FXYD1: variants seen among roughly 807,000 people sequenced by gnomAD.
The protein encoded by FXYD1 is FXYD domain containing ion transport regulator 1.
A neutral mutation model predicts 17.2 loss-of-function variants in FXYD1; 9 were observed. The observed-to-expected ratio is 0.52, with a 90% CI of 0.32 to 0.91. The LOEUF (loss-of-function observed/expected upper bound fraction) is 0.91, where lower values mean the gene tolerates loss of function less well. FXYD1 is among the 40% of genes least tolerant of loss of function. The probability of loss-of-function intolerance (pLI) is 0.04; values close to 1 mark genes in which losing one functional copy is unlikely to be tolerated. For missense variants in FXYD1, 113 were observed against 120.6 expected (o/e 0.94, Z 0.29); for synonymous variants, 55 against 45.8 (o/e 1.20, Z -0.81).
chr19:35,139,261 C>CTGTGTGTGTGTGTGTGTGTGTG, intron 1 of FXYD1: 1 of 146,328 alleles, frequency 6.8e-6, no homozygotes, highest in Admixed American at 6.8e-5. Flanking sequence ...TCCGGCCCCA[C>CTGTGTGTGTGTGTGTGTGTGTG]TGTGTGTGTG....
chr19:35,141,635 C>CG, intron 5 of FXYD1, 63 bp downstream of exon 5: 2 of 1,346,570 alleles, frequency 1.5e-6, no homozygotes, highest in South Asian at 2.4e-5. Context: ...GCGGGTGAGG[C>CG]GGGGAGTACC....
chr19:35,141,524 C>T lies in FXYD1; in HGVS notation c.170-12C>T. The T allele has an allele frequency of 1.2e-6, 2 of 1,608,338 alleles. No individual in the cohort carries two copies. Among genetic ancestry groups the T allele is most frequent in the Non-Finnish European group, 1.7e-6 (2 of 1,177,236 alleles). Reference sequence around the variant, plus strand: ...GGGAGCCTCAGCTTCTCCTACCTCTCCACGCCCACAGGCAGAAGATGCCGG... The same window carrying T: ...GGGAGCCTCAGCTTCTCCTACCTCTTCACGCCCACAGGCAGAAGATGCCGG... On this transcript the variant is annotated splice_polypyrimidine_tract_variant and intron_variant, in intron 4 of 7. Transcript: ENST00000351325.
At chr19:35,142,280 C>T (rs2065263581) in intron 5 of FXYD1, 192 bp from the exon 6 acceptor site, 1 of 550,692 alleles carries the variant, frequency 1.8e-6, no homozygotes, top group Non-Finnish European at 3.2e-6. Flanking sequence ...TGTTAACCAG[C>T]TTAGAAGCCC....
chr19:35,139,911 C>T, intron 1 of FXYD1, 165 bp from the exon 2 acceptor site: 1 of 612,710 alleles, frequency 1.6e-6, no homozygotes, highest in Middle Eastern at 2.8e-4. Context: ...CACTGTGTCC[C>T]CACGAAGCTG....
At chr19:35,142,434 CT>C in intron 5 of FXYD1, 37 bp from the exon 6 acceptor site, 10 of 1,558,996 alleles carry the variant, frequency 6.4e-6, no homozygotes, top group Non-Finnish European at 7.9e-6. Flanking sequence ...GCCTCTCCCC[CT>C]TTCCATCCCG....
rs922772905 is a variant in FXYD1 at position 35,141,167 on chromosome 19, G to T, written c.130G>T (p.Ala44Ser). 11 of 1,610,716 alleles carry T rather than the reference G, an allele frequency of 6.8e-6. No individual in the cohort carries two copies. In the African/African-American group the frequency reaches 1.5e-4, roughly 22 times the overall value. Residue 44 changes from alanine to serine, a missense_variant, in exon 4 of 8, where the codon GCC (alanine) becomes TCC (serine). Ala to Ser is a moderately conservative substitution (Grantham distance 99). Coordinates refer to ENST00000351325, the MANE Select transcript of FXYD1 (RefSeq NM_021902.4). ...QSLQIGGLVI[A>S]GILFILGILI... is the part of the protein sequence containing the mutation. ...CCTGCAGATCGGAGGCCTCGTCATCGCCGGGATCCTCTTCATCCTGGGCAT... is the reference window on the plus strand; with the variant it reads ...CCTGCAGATCGGAGGCCTCGTCATCTCCGGGATCCTCTTCATCCTGGGCAT...
intron 5 of FXYD1, 54 bp downstream of exon 5, chr19:35,141,626 C>T: frequency 6.9e-7 from 1 of 1,453,598 alleles, no homozygotes; most frequent in Non-Finnish European, 9.6e-7. Flanking sequence ...GAGGGCGCCG[C>T]GGGTGAGGCG....
At chr19:35,141,468 G>C (rs774470301) in intron 4 of FXYD1, 68 bp from the exon 5 acceptor site, 13 of 1,334,304 alleles carry the variant, frequency 9.7e-6, no homozygotes, top group Non-Finnish European at 1.4e-5. Flanking sequence ...GGGCGAGCTG[G>C]AGCTACAGCG....
intron 7 of FXYD1, 51 bp from the exon 8 acceptor site, chr19:35,142,866 G>T: frequency 1.1e-6 from 1 of 919,696 alleles, no homozygotes. Context: ...AGGGCGGCGA[G>T]GGGTGGGGCT....
At chr19:35,137,236 T>C (rs572164817), upstream of FXYD1, among the ~76,000 whole-genome samples, 10 of 152,324 alleles carry the variant, frequency 6.6e-5, no homozygotes, top group African/African-American at 2.4e-4. Flanking sequence ...CCTGGGCCAT[T>C]CCAGGTTTCC....
At chr19:35,141,811 G>A (rs899536835) in intron 5 of FXYD1, among the ~76,000 whole-genome samples, 2 of 152,154 alleles carry the variant, frequency 1.3e-5, no homozygotes, top group Admixed American at 6.5e-5. Flanking sequence ...CAGCCCCACA[G>A]ATAGAAAAAT....
At chr19:35,138,072 T>G (rs1186113724), upstream of FXYD1, 2 of 152,148 alleles carry the variant, frequency 1.3e-5, no homozygotes, top group Non-Finnish European at 2.9e-5. Context: ...GATGTGGCTA[T>G]GTCTTTGACT....
chr19:35,142,959 C>T lies in FXYD1; in HGVS notation c.*72C>T. On this transcript the variant is annotated 3_prime_UTR_variant, in exon 8 of 8. Transcript: ENST00000351325. ...ACATCTCCCACGCTCCACCTGCGCGCCCACCGCCCCCTCCGCCGCCCCTTC... is the reference window on the plus strand; with the variant it reads ...ACATCTCCCACGCTCCACCTGCGCGTCCACCGCCCCCTCCGCCGCCCCTTC... The T allele has an allele frequency of 1.7e-6, 1 of 588,098 alleles. No homozygotes were observed. The highest frequency in any genetic ancestry group is 3.0e-6 in the Non-Finnish European group (1 of 330,840). 36.4% of individuals were successfully genotyped at this position (588,098 alleles called of 1,614,324 possible). A position where few individuals can be genotyped will look rare whatever the true frequency, so the allele number is the denominator to read the frequency against.
rs59264982 is a variant in FXYD1 at position 35,143,087 on chromosome 19, G to C, written c.*200G>C. ...CGGTCTCGGTCCCTCAGCGCGAAACGCCAGCGCCACTGGGCCCCAGCAGGG... is the reference window on the plus strand; with the variant it reads ...CGGTCTCGGTCCCTCAGCGCGAAACCCCAGCGCCACTGGGCCCCAGCAGGG... On this transcript the variant is annotated 3_prime_UTR_variant, in exon 8 of 8. Coordinates refer to ENST00000351325, the MANE Select transcript of FXYD1 (RefSeq NM_021902.4). The surrounding 1 kb of genome is among the most constrained non-coding windows in gnomAD (Gnocchi z 4.3). The C allele has an allele frequency of 1, 549,311 of 549,316 alleles. 274,653 individuals are homozygous for C. The highest frequency in any genetic ancestry group is 1 in the Middle Eastern group (2,098 of 2,098). The allele number at this position is 549,316 out of a possible 1,614,324, so 34.0% of individuals were successfully genotyped here.
chr19:35,141,193 C>A lies in FXYD1; in HGVS notation c.156C>A (p.Ile52=). ...CCGGGATCCTCTTCATCCTGGGCAT[C>A]CTCATCGTGCTGAGTGAGTGCCCCT... ...VIAGILFILG[I]LIVLSRRCRC... The change falls in exon 4 of 8, where the codon ATC becomes ATA. Residue 52 remains isoleucine, a synonymous_variant. Coordinates refer to ENST00000351325, the MANE Select transcript of FXYD1 (RefSeq NM_021902.4). 6.2e-7 allele frequency: 1 copy of A among 1,603,922 alleles called. No individual in the cohort carries two copies. The highest frequency in any genetic ancestry group is 8.5e-7 in the Non-Finnish European group (1 of 1,171,646).
At chr19:35,140,185 G>GT (rs2065238757) in intron 2 of FXYD1, 45 bp downstream of exon 2, 2 of 1,141,704 alleles carry the variant, frequency 1.8e-6, no homozygotes, top group Non-Finnish European at 1.3e-6. Flanking sequence ...AGCCCCAGGG[G>GT]TGGCGGTGGG....
intron 1 of FXYD1, chr19:35,139,230 G>A (rs958822960): frequency 1.3e-5 from 2 of 153,088 alleles, no homozygotes; most frequent in African/African-American, 4.8e-5. Flanking sequence ...AGTTTGGGGA[G>A]AGGTTGTTGT....
chr19:35,142,881 G>T, intron 7 of FXYD1, 36 bp from the exon 8 acceptor site: 1 of 778,520 alleles, frequency 1.3e-6, no homozygotes. Context: ...GGGGCTGGAC[G>T]TCCCCCCTCG....
intron 3 of FXYD1, 43 bp downstream of exon 3, chr19:35,140,672 C>T: frequency 1.3e-6 from 2 of 1,566,140 alleles, no homozygotes; most frequent in Non-Finnish European, 1.8e-6. Flanking sequence ...GAGAGCCTGG[C>T]TTTGCTGGTC....
Sources: allele counts gnomAD v4.1 joint callset (sites outside exome capture counted in the v4.1 genomes callset), GRCh38; gene constraint gnomAD v4.1.1; non-coding constraint Gnocchi (gnomAD v3.1); transcripts MANE v1.5; gene names NCBI Gene and HGNC (gene_info 2026-07-23, HGNC 2026-07-21).